NLRP11: variants seen among roughly 807,000 people sequenced by gnomAD.
The protein encoded by NLRP11 is NLR family pyrin domain containing 11, also known as NACHT, LRR and PYD domains-containing protein 11.
In NLRP11, 53 loss-of-function variants were observed where a neutral mutation model predicts 79.3. The observed-to-expected ratio is 0.67, with a 90% CI of 0.54 to 0.84. The LOEUF (loss-of-function observed/expected upper bound fraction) is 0.84, where lower values mean the gene tolerates loss of function less well. Ranked by LOEUF, NLRP11 falls within the 40% of genes least tolerant of loss-of-function variation. The pLI, the probability that NLRP11 is intolerant of heterozygous loss-of-function variation, is 0.00. For missense variants in NLRP11, 1,264 were observed against 1,255.0 expected, an observed-to-expected ratio of 1.01 and a Z score of -0.11; for synonymous variants, 518 against 462.6, an observed-to-expected ratio of 1.12 and a Z score of -1.54.
intron 1 of NLRP11, among the ~76,000 whole-genome samples, chr19:55,818,446 G>A (rs1981358221): frequency 6.6e-6 from 1 of 152,184 alleles, no homozygotes; most frequent in Non-Finnish European, 1.5e-5. Context: ...CATCAGTTGT[G>A]TTAAAAGGCA....
At chr19:55,810,003 T>G in exon 3 of NLRP11, 1 of 1,614,198 alleles carries the variant, frequency 6.2e-7, no homozygotes, top group South Asian at 1.1e-5. Context: ...TCCTTGGCGA[T>G]TAGCTCAGCC....
chr19:55,791,465 A>G (rs1465254337), intron 7 of NLRP11, among the ~76,000 whole-genome samples: 1 of 152,238 alleles, frequency 6.6e-6, no homozygotes. Flanking sequence ...AATAAAGATA[A>G]GATACCATAC....
chr19:55,830,598 T>TAAAA (rs201476127), intron 1 of NLRP11, among the ~76,000 whole-genome samples: 4,727 of 128,892 alleles, frequency 0.037, 294 homozygotes, highest in African/African-American at 0.12. Context: ...CTTAGCTTCC[T>TAAAA]AAAAAAAAAA....
chr19:55,808,811 C>G (rs375975641), exon 3 of NLRP11: 1 of 1,612,358 alleles, frequency 6.2e-7, no homozygotes, highest in Non-Finnish European at 8.5e-7. Flanking sequence ...TTGAAAGATG[C>G]GCTGAACACT....
At chr19:55,831,508 G>A (rs751784141) in intron 1 of NLRP11, among the ~76,000 whole-genome samples, 20 of 152,230 alleles carry the variant, frequency 1.3e-4, no homozygotes, top group South Asian at 8.3e-4. Flanking sequence ...GTTGCAGTGC[G>A]CTGAGATCAC....
At position 55,829,491 on chromosome 19, in the gene NLRP11, C is replaced by G. The variant is rs181026431; in HGVS notation, c.-63+2472G>C. On this transcript the variant is annotated intron_variant, in intron 1 of 9. Transcript: ENST00000589093. Reference sequence around the variant, plus strand: ...CCCTATCCTGGCTAACACAGTGAAGCCTTGTCTCTACTAAAAGTACAAAAA... The same window carrying G: ...CCCTATCCTGGCTAACACAGTGAAGGCTTGTCTCTACTAAAAGTACAAAAA... Among the ~76,000 whole-genome samples, 10 of 151,908 alleles carry G rather than the reference C, an allele frequency of 6.6e-5. No homozygotes were observed. In the East Asian group the frequency reaches 1.9e-3, roughly 30 times the overall value.
intron 2 of NLRP11, among the ~76,000 whole-genome samples, chr19:55,813,530 A>G (rs1980804579): frequency 6.6e-6 from 1 of 152,168 alleles, no homozygotes; most frequent in Non-Finnish European, 1.5e-5. Context: ...TGCAATTACT[A>G]CTGCGATATG....
chr19:55,790,994 G>A (rs563554482), intron 7 of NLRP11, among the ~76,000 whole-genome samples: 33 of 152,294 alleles, frequency 2.2e-4, no homozygotes, highest in African/African-American at 7.0e-4. Context: ...ACAAAAGAAC[G>A]TGTTTGGAGT....
At chr19:55,792,558 C>T in intron 6 of NLRP11, 87 bp from the exon 7 acceptor site, 1 of 996,522 alleles carries the variant, frequency 1.0e-6, no homozygotes. Context: ...CCACGGGCGC[C>T]TCGATGCCTT....
Position 55,788,697 on chromosome 19 carries a change from G to A in NLRP11, c.2855+110C>T, listed in dbSNP as rs79080359. 0.074 allele frequency: 52,736 copies of A among 711,250 alleles called. 2,526 individuals are homozygous for A. Among genetic ancestry groups the A allele is most frequent in the African/African-American group, 0.17 (7,969 of 45,770 alleles). 44.1% of individuals were successfully genotyped at this position (711,250 alleles called of 1,614,324 possible). A position where few individuals can be genotyped will look rare whatever the true frequency, so the allele number is the denominator to read the frequency against. On this transcript the variant is annotated intron_variant, in intron 9 of 9. Coordinates refer to ENST00000589093, the Ensembl canonical transcript of NLRP11. The stretch of plus-strand genomic sequence containing the variant: ...TGATGTTGCAATGAGCCAAGATCAC[G>A]CCACTGCACTCCAGCCTGGGCAACA...
At chr19:55,812,190 A>G (rs1225294441) in intron 2 of NLRP11, among the ~76,000 whole-genome samples, 3 of 152,206 alleles carry the variant, frequency 2.0e-5, no homozygotes, top group Non-Finnish European at 4.4e-5. Flanking sequence ...TAATTTTATA[A>G]TAAGTTTCAT....
intron 1 of NLRP11, among the ~76,000 whole-genome samples, chr19:55,831,600 A>G (rs1386737835): frequency 6.6e-6 from 1 of 152,128 alleles, no homozygotes; most frequent in Non-Finnish European, 1.5e-5. Context: ...TTTCATCTCT[A>G]ACACTTTATA....
rs562574772 is a variant in NLRP11 at position 55,808,679 on chromosome 19, C to T, written c.1841+90G>A. On this transcript the variant is annotated intron_variant, in intron 3 of 9. Coordinates refer to ENST00000589093, the Ensembl canonical transcript of NLRP11. The stretch of plus-strand genomic sequence containing the variant: ...ATTGGAAGTCAAGTTCTTCATGGCC[C>T]CGAGTTTGTCTTGTTCTGGTCAACA... The T allele has an allele frequency of 1.5e-4, 183 of 1,202,152 alleles. No homozygotes were observed. The African/African-American group carries it at 2.3e-3, about 15-fold the overall frequency. The allele number at this position is 1,202,152 out of a possible 1,614,324, so 74.5% of individuals were successfully genotyped here.
intron 1 of NLRP11, among the ~76,000 whole-genome samples, chr19:55,819,942 G>A (rs1195609020): frequency 2.0e-5 from 3 of 152,110 alleles, no homozygotes; most frequent in Admixed American, 2.0e-4. Flanking sequence ...CCACTGGGTT[G>A]GATCTGACTC....
chr19:55,812,689 C>A (rs1265420851), intron 2 of NLRP11, among the ~76,000 whole-genome samples: 1 of 152,004 alleles, frequency 6.6e-6, no homozygotes, highest in Non-Finnish European at 1.5e-5. Flanking sequence ...TGTGGAGGTT[C>A]CTCAAAAAAT....
chr19:55,807,821 A>G (rs201716300), intron 4 of NLRP11, 32 bp downstream of exon 4: 10 of 1,472,554 alleles, frequency 6.8e-6, no homozygotes, highest in South Asian at 1.2e-5. Context: ...TCCTAGGGGA[A>G]CCTCTAAGGC....
chr19:55,816,154 T>C (rs1305699631), intron 2 of NLRP11, among the ~76,000 whole-genome samples: 1 of 152,194 alleles, frequency 6.6e-6, no homozygotes, highest in Non-Finnish European at 1.5e-5. Context: ...GAAGATCTAC[T>C]GTTCACCTAT....
At chr19:55,821,242 CA>C (rs1981690195) in intron 1 of NLRP11, among the ~76,000 whole-genome samples, 1 of 129,884 alleles carries the variant, frequency 7.7e-6, no homozygotes, top group African/African-American at 3.3e-5. Flanking sequence ...CACACACACA[CA>C]CACACACCCC....
chr19:55,809,101 C>G lies in NLRP11; in HGVS notation c.1509G>C (p.Arg503Ser). 6.2e-7 allele frequency: 1 copy of G among 1,613,842 alleles called. No individual in the cohort carries two copies. Among genetic ancestry groups the G allele is most frequent in the Non-Finnish European group, 8.5e-7 (1 of 1,179,914 alleles). ...CAAAGGATGTCTCAAGAATCTTTCT[C>G]CTGTTTGCATTTAGAAGACCAAAAA... Residue 503 changes from arginine to serine, a missense_variant, in exon 3 of 10, where the codon AGG (arginine) becomes AGC (serine). Transcript: ENST00000589093. This position sits in a 1 kb window ranked among gnomAD's most constrained non-coding sequence, Gnocchi z 4.5.
Sources: gnomAD v4.1 joint callset for allele counts (sites outside exome capture counted in the v4.1 genomes callset) on GRCh38, gnomAD v4.1.1 for gene constraint, Gnocchi (gnomAD v3.1) non-coding constraint, MANE v1.5 for transcripts, NCBI Gene and HGNC (gene_info 2026-07-23, HGNC 2026-07-21) for gene names.